TRIP4: variants seen among roughly 807,000 people sequenced by gnomAD.
TRIP4 encodes activating signal cointegrator 1.
TRIP4 carries 54 observed loss-of-function variants against 81.8 expected under a neutral mutation model. The observed-to-expected ratio is 0.66, with a 90% confidence interval of 0.53 to 0.83. The LOEUF (loss-of-function observed/expected upper bound fraction) is 0.83. Ranked by LOEUF, TRIP4 falls within the 40% of genes least tolerant of loss-of-function variation. TRIP4 has a pLI of 0.00. For missense variants in TRIP4, 662 were observed against 683.6 expected, an observed-to-expected ratio of 0.97 and a Z score of 0.35; for synonymous variants, 270 against 242.8, an observed-to-expected ratio of 1.11 and a Z score of -1.04.
chr15:64,444,826 G>T, intron 11 of TRIP4, 180 bp from the exon 12 acceptor site: 1 of 386,862 alleles, frequency 2.6e-6, no homozygotes, highest in Non-Finnish European at 4.7e-6. Context: ...GTATAATGCT[G>T]TACTAAGGAT....
chr15:64,450,255 G>A (rs540385389), intron 12 of TRIP4, among the ~76,000 whole-genome samples: 1 of 152,224 alleles, frequency 6.6e-6, no homozygotes, highest in East Asian at 1.9e-4. Flanking sequence ...CAGACGTGGT[G>A]GCAGGTGCCT....
chr15:64,433,916 G>C (rs1364634167), intron 11 of TRIP4, among the ~76,000 whole-genome samples: 1 of 36,254 alleles, frequency 2.8e-5, no homozygotes, highest in Admixed American at 3.7e-4. Flanking sequence ...TTTTGTGTGT[G>C]ATTTTTTTTT....
intron 11 of TRIP4, among the ~76,000 whole-genome samples, chr15:64,440,893 A>G (rs574317319): frequency 6.6e-6 from 1 of 152,304 alleles, no homozygotes; most frequent in South Asian, 2.1e-4. Context: ...AGTAATATCT[A>G]CTTTTACTTA....
intron 6 of TRIP4, among the ~76,000 whole-genome samples, chr15:64,408,893 A>C (rs1281137556): frequency 1.3e-5 from 2 of 152,088 alleles, no homozygotes; most frequent in Non-Finnish European, 2.9e-5. Context: ...GTAATGACAT[A>C]TAGTAGTAGG....
At chr15:64,418,750 G>A (rs752940127) in intron 9 of TRIP4, 22 bp downstream of exon 9, 4 of 1,585,608 alleles carry the variant, frequency 2.5e-6, no homozygotes, top group East Asian at 4.5e-5. Context: ...AATGAATCTG[G>A]GCAGTGGAAG....
chr15:64,436,064 G>C (rs562205278), intron 11 of TRIP4, among the ~76,000 whole-genome samples: 1 of 152,010 alleles, frequency 6.6e-6, no homozygotes, highest in Non-Finnish European at 1.5e-5. Flanking sequence ...GGAGGCCGAC[G>C]CATTTGGATC....
chr15:64,436,805 C>G (rs866339738), intron 11 of TRIP4, among the ~76,000 whole-genome samples: 1 of 93,314 alleles, frequency 1.1e-5, no homozygotes, highest in Admixed American at 1.8e-4. Context: ...TAAGGAGTCT[C>G]ACTCTGTTGC....
In TRIP4 at chr15:64,430,627, C is replaced by G. The variant is rs780426236; in HGVS notation, c.1575+4996C>G. Among the ~76,000 whole-genome samples, 8 of 152,238 alleles carry G rather than the reference C, an allele frequency of 5.3e-5. No individual in the cohort carries two copies. In the Middle Eastern group the frequency reaches 0.01, roughly 194 times the overall value. On this transcript the variant is annotated intron_variant, in intron 11 of 12. Coordinates refer to ENST00000261884, the MANE Select transcript of TRIP4 (RefSeq NM_016213.5). ...GTTGAGTTGGTGGCTTTTGTTTCTA[C>G]GTGTCTGTGTTGTGTTTGTGCTATT...
At chr15:64,441,189 G>T (rs1287122286) in intron 11 of TRIP4, among the ~76,000 whole-genome samples, 1 of 151,742 alleles carries the variant, frequency 6.6e-6, no homozygotes, top group Non-Finnish European at 1.5e-5. Flanking sequence ...GTAGAGACGG[G>T]GTTTCACAGT....
chr15:64,428,040 G>A (rs188507479), intron 11 of TRIP4, among the ~76,000 whole-genome samples: 24 of 151,632 alleles, frequency 1.6e-4, no homozygotes, highest in African/African-American at 5.6e-4. Context: ...ATTCACAGTC[G>A]TTAACAGCTT....
intron 1 of TRIP4, among the ~76,000 whole-genome samples, chr15:64,389,950 C>T (rs1900072804): frequency 6.7e-6 from 1 of 150,148 alleles, no homozygotes; most frequent in African/African-American, 2.4e-5. Context: ...GATCCAACCG[C>T]CTCAGCCTCC....
chr15:64,414,980 A>C (rs916114046), intron 8 of TRIP4, among the ~76,000 whole-genome samples: 7 of 151,910 alleles, frequency 4.6e-5, no homozygotes, highest in Non-Finnish European at 8.8e-5. Context: ...CTGTAGTCCC[A>C]GCTACTTAGG....
At chr15:64,402,407 G>T (rs573976206) in intron 5 of TRIP4, among the ~76,000 whole-genome samples, 12 of 152,058 alleles carry the variant, frequency 7.9e-5, no homozygotes, top group African/African-American at 2.9e-4. Context: ...TTTTAGTAGA[G>T]ACAGGGTTTC....
At chr15:64,399,501 AGTTT>A (rs997096265) in intron 4 of TRIP4, among the ~76,000 whole-genome samples, 1 of 151,690 alleles carries the variant, frequency 6.6e-6, no homozygotes, top group African/African-American at 2.4e-5. Flanking sequence ...TTGGCCTTGA[AGTTT>A]GTTTGTTTGT....
At chr15:64,400,923 T>A (rs1000295815) in intron 5 of TRIP4, 102 bp downstream of exon 5, 12 of 942,474 alleles carry the variant, frequency 1.3e-5, no homozygotes, top group Admixed American at 2.5e-5. Flanking sequence ...ATGCAGTTTA[T>A]TCACTCATTC....
At chr15:64,446,676 A>G (rs1487889920) in intron 12 of TRIP4, among the ~76,000 whole-genome samples, 1 of 151,078 alleles carries the variant, frequency 6.6e-6, no homozygotes, top group East Asian at 2.0e-4. Context: ...TGCTGGGATT[A>G]CAGGCGTGAG....
chr15:64,397,099 T>G (rs1334946571), intron 3 of TRIP4, among the ~76,000 whole-genome samples: 1 of 152,232 alleles, frequency 6.6e-6, no homozygotes, highest in East Asian at 1.9e-4. Context: ...AGATAGGATC[T>G]CGCTCTGTTG....
At chr15:64,427,953 CCT>C (rs1418677713) in intron 11 of TRIP4, among the ~76,000 whole-genome samples, 3 of 151,778 alleles carry the variant, frequency 2.0e-5, no homozygotes, top group Non-Finnish European at 4.4e-5. Context: ...CTTCCTCCCC[CCT>C]CTTTTTTTTT....
At chr15:64,425,466 T>C in intron 10 of TRIP4, 74 bp from the exon 11 acceptor site, 4 of 1,272,178 alleles carry the variant, frequency 3.1e-6, no homozygotes, top group Non-Finnish European at 4.5e-6. Context: ...TTGTTCAGAA[T>C]TGAAAACAGA....
Sources: gnomAD v4.1 joint callset for allele counts (sites outside exome capture counted in the v4.1 genomes callset) on GRCh38, gnomAD v4.1.1 for gene constraint, MANE v1.5 for transcripts, NCBI Gene and HGNC (gene_info 2026-07-23, HGNC 2026-07-21) for gene names.